Variants in UBXN4 observed in about 807,000 individuals in gnomAD.
UBXN4 encodes UBX domain-containing protein 4.
A neutral mutation model predicts 66.2 loss-of-function variants in UBXN4; 35 were observed. That is an observed-to-expected ratio of 0.53 (90% CI 0.40 to 0.70). The LOEUF is 0.70. Ranked by LOEUF, UBXN4 falls within the 30% of genes least tolerant of loss-of-function variation. The probability of loss-of-function intolerance (pLI) is 0.00; values close to 1 mark genes in which losing one functional copy is unlikely to be tolerated. For synonymous variants in UBXN4, 203 were observed against 204.5 expected, an observed-to-expected ratio of 0.99 and a Z score of 0.06; for missense variants, 533 against 599.8, an observed-to-expected ratio of 0.89 and a Z score of 1.16.
intron 1 of UBXN4, among the ~76,000 whole-genome samples, chr2:135,745,198 A>G (rs555612933): frequency 1.3e-5 from 2 of 152,326 alleles, no homozygotes; most frequent in Admixed American, 6.5e-5. Context: ...TATGAGAGTC[A>G]TCTTTGACTC....
intron 5 of UBXN4, among the ~76,000 whole-genome samples, chr2:135,759,947 T>C (rs1473463606): frequency 6.6e-6 from 1 of 152,002 alleles, no homozygotes; most frequent in Non-Finnish European, 1.5e-5. Flanking sequence ...TTTGTATTTT[T>C]AGTAGTGATG....
At chr2:135,742,278 G>A (rs1002345583) in intron 1 of UBXN4, among the ~76,000 whole-genome samples, 10 of 152,188 alleles carry the variant, frequency 6.6e-5, no homozygotes, top group Non-Finnish European at 2.9e-5. Flanking sequence ...CCGGGCTGCC[G>A]GCCCGTGGCT....
chr2:135,772,311 A>G, intron 8 of UBXN4, 109 bp from the exon 9 acceptor site: 1 of 1,340,816 alleles, frequency 7.5e-7, no homozygotes, highest in South Asian at 1.4e-5. Flanking sequence ...TGACACAGCA[A>G]GACCCTGTCT....
At chr2:135,752,057 C>T (rs1488655785) in intron 2 of UBXN4, among the ~76,000 whole-genome samples, 1 of 151,490 alleles carries the variant, frequency 6.6e-6, no homozygotes, top group Non-Finnish European at 1.5e-5. Context: ...TTTTTCTTTT[C>T]TTTTTTTTGA....
intron 2 of UBXN4, 123 bp from the exon 3 acceptor site, chr2:135,753,416 G>C (rs546970202): frequency 5.8e-6 from 4 of 691,188 alleles, no homozygotes; most frequent in Non-Finnish European, 8.9e-6. Flanking sequence ...CCTGATTGCT[G>C]TGAAAGAAAC....
chr2:135,753,759 C>T, intron 3 of UBXN4, 192 bp downstream of exon 3: 1 of 533,450 alleles, frequency 1.9e-6, no homozygotes, highest in Non-Finnish European at 3.2e-6. Context: ...ATAAAAGTAA[C>T]TCAATGGTGT....
intron 2 of UBXN4, among the ~76,000 whole-genome samples, chr2:135,750,914 G>T (rs2077237480): frequency 8.0e-6 from 1 of 124,818 alleles, no homozygotes; most frequent in African/African-American, 3.1e-5. Context: ...GGAGTGCAGT[G>T]GCGTGATCTC....
chr2:135,781,909 C>CA (rs1296979475), intron 12 of UBXN4, among the ~76,000 whole-genome samples: 14 of 151,954 alleles, frequency 9.2e-5, no homozygotes, highest in African/African-American at 2.9e-4. Flanking sequence ...TCCATCTCTA[C>CA]AAAAAAAACT....
chr2:135,768,887 A>T (rs1219625698), intron 6 of UBXN4, among the ~76,000 whole-genome samples: 5 of 151,548 alleles, frequency 3.3e-5, no homozygotes, highest in Non-Finnish European at 7.4e-5. Flanking sequence ...TTTTTTGTAA[A>T]GATGGGGTCT....
At chr2:135,755,415 C>G in intron 4 of UBXN4, 102 bp from the exon 5 acceptor site, 1 of 862,534 alleles carries the variant, frequency 1.2e-6, no homozygotes, top group Non-Finnish European at 1.6e-6. Context: ...TTTCGTATTT[C>G]TCTTTTTATA....
In UBXN4 at chr2:135,783,164, G is replaced by A. The variant is rs1355613365; in HGVS notation, c.*277G>A. On this transcript the variant is annotated 3_prime_UTR_variant, in exon 13 of 13. Transcript: ENST00000272638. Reference sequence around the variant, plus strand: ...CCTGCCTCCATCAGCTTCTTATTTAGTATTTCATATGCCCATTAGCCCTAT... The same window carrying A: ...CCTGCCTCCATCAGCTTCTTATTTAATATTTCATATGCCCATTAGCCCTAT... The A allele has an allele frequency of 3.9e-6, 1 of 258,608 alleles. No homozygotes were observed. Among genetic ancestry groups the A allele is most frequent in the East Asian group, 7.1e-5 (1 of 14,120 alleles). The allele number at this position is 258,608 out of a possible 1,614,324, so 16.0% of individuals were successfully genotyped here.
intron 12 of UBXN4, among the ~76,000 whole-genome samples, chr2:135,781,011 G>C (rs181967580): frequency 6.6e-6 from 1 of 152,234 alleles, no homozygotes; most frequent in South Asian, 2.1e-4. Context: ...AATTACTTGA[G>C]CTTATGCATT....
rs764993875 is a variant in UBXN4, at chr2:135,780,244, G to C, written c.1247G>C (p.Gly416Ala). 6.2e-7 allele frequency: 1 copy of C among 1,614,044 alleles called. No homozygotes were observed. Among genetic ancestry groups the C allele is most frequent in the South Asian group, 1.1e-5 (1 of 91,080 alleles). ...SSSGDIWTLL[G>A]TVLYPFLAIW... is the part of the protein sequence containing the mutation. ...AGCGGAGACATTTGGACCTTGTTGGGAACAGTGCTTTATCCATTCCTTGCC... is the reference window on the plus strand; with the variant it reads ...AGCGGAGACATTTGGACCTTGTTGGCAACAGTGCTTTATCCATTCCTTGCC... The change falls in exon 12 of 13, where the codon GGA (glycine) becomes GCA (alanine). Residue 416 changes from glycine (G) to alanine (A), a missense_variant. Physicochemically the swap from Gly to Ala is moderately conservative, Grantham distance 60 (BLOSUM62 0). Around this residue, in one of 2 missense-constraint regions of UBXN4, gnomAD observed 529 missense variants for 580.1 expected, o/e 0.91. Coordinates refer to ENST00000272638, the MANE Select transcript of UBXN4 (RefSeq NM_014607.4).
At position 135,783,843 on chromosome 2, in the gene UBXN4, TCTGA is replaced by T. The variant is rs1191763446; in HGVS notation, c.*959_*962del. The T allele has an allele frequency of 6.6e-6, 1 of 152,252 alleles. No individual in the cohort carries two copies. The highest frequency in any genetic ancestry group is 6.5e-5 in the Admixed American group (1 of 15,288). The allele number at this position is 152,252 out of a possible 1,614,324, so 9.4% of individuals were successfully genotyped here. On this transcript the variant is annotated 3_prime_UTR_variant, in exon 13 of 13. Transcript: ENST00000272638. ...TTTCTTAAAAAGTTGAGATTCTTAA[TCTGA>T]CTTACATGTTACTTTATCCGTATGT...
chr2:135,758,706 A>G (rs2077293151), intron 5 of UBXN4, among the ~76,000 whole-genome samples: 1 of 152,154 alleles, frequency 6.6e-6, no homozygotes, highest in South Asian at 2.1e-4. Flanking sequence ...ATGTATCTCT[A>G]AAATATAAGA....
chr2:135,754,564 C>CA lies in UBXN4; in HGVS notation c.333+287_333+288insA, dbSNP rs574261590. On this transcript the variant is annotated intron_variant, in intron 4 of 12. Transcript: ENST00000272638. ...TCTCAAACTCCTGACCTCAGGTGATCTGCCCGCCTCGGCCTCCCAAAGTGC... is the reference window on the plus strand; with the variant it reads ...TCTCAAACTCCTGACCTCAGGTGATCATGCCCGCCTCGGCCTCCCAAAGTGC... Among the ~76,000 whole-genome samples the CA allele has an allele frequency of 1.1e-3, 170 of 152,142 alleles. 1 individual carries two copies. Among genetic ancestry groups the CA allele is most frequent in the African/African-American group, 2.2e-3 (93 of 41,500 alleles).
rs780748635 is a variant in UBXN4, at chr2:135,755,468, A to C, written c.334-49A>C. The C allele has an allele frequency of 9.9e-6, 14 of 1,417,766 alleles. No individual in the cohort carries two copies. The South Asian group carries it at 2.0e-4, about 20-fold the overall frequency. The allele number at this position is 1,417,766 out of a possible 1,614,324, so 87.8% of individuals were successfully genotyped here. ...TATTTTGGTCTCTACTGCCATGGTA[A>C]GTTTAGATTCTTATCTATTAATTAA... On this transcript the variant is annotated intron_variant, in intron 4 of 12. Transcript: ENST00000272638.
chr2:135,753,685 G>A, intron 3 of UBXN4, 118 bp downstream of exon 3: 2 of 932,862 alleles, frequency 2.1e-6, no homozygotes, highest in South Asian at 2.3e-5. Flanking sequence ...TCTTTTTTAT[G>A]GAAACTTTAT....
intron 12 of UBXN4, 146 bp from the exon 13 acceptor site, chr2:135,782,603 T>A (rs1270751363): frequency 3.3e-6 from 3 of 910,626 alleles, no homozygotes; most frequent in Non-Finnish European, 5.1e-6. Flanking sequence ...TTAGTAGATA[T>A]AATGGTCTCC....
Sources: gnomAD v4.1 joint callset for allele counts (sites outside exome capture counted in the v4.1 genomes callset) on GRCh38, gnomAD v4.1.1 for gene constraint, gnomAD v4.1.1 regional missense constraint, MANE v1.5 for transcripts, NCBI Gene and HGNC (gene_info 2026-07-23, HGNC 2026-07-21) for gene names.